The following PAK5 variants were observed in gnomAD, a reference collection of about 807,000 sequenced individuals.
The protein encoded by PAK5 is p21 (RAC1) activated kinase 5.
A neutral mutation model predicts 65.9 loss-of-function variants in PAK5; 16 were observed. The ratio of observed to expected loss-of-function variants is 0.24; its 90% CI spans 0.16 to 0.37. The LOEUF is 0.37. PAK5 is among the 10% of genes least tolerant of loss of function. PAK5 has a pLI of 1.00. For synonymous variants in PAK5, 371 were observed against 354.9 expected (o/e 1.05, Z -0.51); for missense variants, 785 against 903.9 (o/e 0.87, Z 1.69).
intron 3 of PAK5, among the ~76,000 whole-genome samples, chr20:9,603,470 C>T (rs2046396155): frequency 6.6e-6 from 1 of 152,146 alleles, no homozygotes; most frequent in African/African-American, 2.4e-5. Flanking sequence ...CCTCCTGGCA[C>T]CCAAAGGTTT....
chr20:9,799,939 C>CAAAAAAAAAAAA (rs71331383), intron 1 of PAK5, among the ~76,000 whole-genome samples: 7 of 43,664 alleles, frequency 1.6e-4, no homozygotes, highest in Non-Finnish European at 1.8e-4. Context: ...ACTCTGTCTC[C>CAAAAAAAAAAAA]AAAAAAAAAA....
chr20:9,635,964 A>T (rs1232670822), intron 3 of PAK5, among the ~76,000 whole-genome samples: 1 of 152,188 alleles, frequency 6.6e-6, no homozygotes, highest in Non-Finnish European at 1.5e-5. Flanking sequence ...GAAACAGTTT[A>T]AACTGCTTGG....
chr20:9,657,305 C>T (rs976810020), intron 2 of PAK5, among the ~76,000 whole-genome samples: 4 of 152,168 alleles, frequency 2.6e-5, no homozygotes, highest in South Asian at 2.1e-4. Context: ...ACTCCATCCA[C>T]GTTGTTCCAT....
chr20:9,694,297 T>A (rs1393047259), intron 2 of PAK5, among the ~76,000 whole-genome samples: 1 of 103,026 alleles, frequency 9.7e-6, no homozygotes, highest in Non-Finnish European at 1.8e-5. Context: ...GATGGCCGTG[T>A]GTGTGTTTGT....
intron 1 of PAK5, among the ~76,000 whole-genome samples, chr20:9,769,118 G>A (rs1209664294): frequency 6.6e-6 from 1 of 152,114 alleles, no homozygotes; most frequent in Non-Finnish European, 1.5e-5. Flanking sequence ...TTACTAGGCC[G>A]AACTTCTGAC....
intron 1 of PAK5, among the ~76,000 whole-genome samples, chr20:9,717,694 ATTGCAACC>A (rs2048165855): frequency 6.6e-6 from 1 of 152,232 alleles, no homozygotes; most frequent in Non-Finnish European, 1.5e-5. Flanking sequence ...ATCTTGGCTC[ATTGCAACC>A]TCTGCCTCCC....
At chr20:9,607,170 C>T (rs958675287) in intron 3 of PAK5, among the ~76,000 whole-genome samples, 2 of 152,064 alleles carry the variant, frequency 1.3e-5, no homozygotes, top group African/African-American at 2.4e-5. Flanking sequence ...GAGTGAGCGC[C>T]GCCAGCCATG....
intron 3 of PAK5, among the ~76,000 whole-genome samples, chr20:9,640,419 C>A (rs1422895500): frequency 1.3e-5 from 2 of 152,078 alleles, no homozygotes; most frequent in South Asian, 2.1e-4. Flanking sequence ...GCATAGTATT[C>A]CATGGTATAT....
At chr20:9,767,355 C>T (rs1291430645) in intron 1 of PAK5, among the ~76,000 whole-genome samples, 5 of 152,236 alleles carry the variant, frequency 3.3e-5, no homozygotes, top group South Asian at 2.1e-4. Context: ...AAATCAGGTC[C>T]GCTAAGGTCC....
intron 3 of PAK5, among the ~76,000 whole-genome samples, chr20:9,640,152 C>A (rs2047033686): frequency 6.6e-6 from 1 of 151,186 alleles, no homozygotes; most frequent in Non-Finnish European, 1.5e-5. Flanking sequence ...GTGTGCTGCA[C>A]CCATTAACTC....
At chr20:9,597,510 A>G (rs988669834) in intron 3 of PAK5, among the ~76,000 whole-genome samples, 1 of 152,214 alleles carries the variant, frequency 6.6e-6, no homozygotes, top group Non-Finnish European at 1.5e-5. Flanking sequence ...CATTCTTAAC[A>G]ATGTCAGAAC....
At chr20:9,772,427 C>G (rs2048843826) in intron 1 of PAK5, among the ~76,000 whole-genome samples, 1 of 151,458 alleles carries the variant, frequency 6.6e-6, no homozygotes, top group African/African-American at 2.4e-5. Context: ...CTAGACCATC[C>G]CTGTGAAGGA....
At chr20:9,585,845 T>G (rs1357013090) in intron 3 of PAK5, among the ~76,000 whole-genome samples, 1 of 152,082 alleles carries the variant, frequency 6.6e-6, no homozygotes, top group African/African-American at 2.4e-5. Context: ...CATTCATCAA[T>G]GAAGGCTAAG....
Position 9,731,384 on chromosome 20 carries a change from T to C in PAK5, c.-161-19949A>G, listed in dbSNP as rs141228607. 2.4e-3 allele frequency among the ~76,000 whole-genome samples: 371 copies of C among 152,290 alleles called. 2 individuals carry two copies. Among genetic ancestry groups the C allele is most frequent in the Middle Eastern group, 0.017 (5 of 294 alleles). On this transcript the variant is annotated intron_variant, in intron 1 of 9. Transcript: ENST00000353224. ...TGTATCAGTAACACATTTTCACTCA[T>C]TTTTTTCATAATAGGTCTTTAAAAT... is the stretch of plus-strand genomic sequence containing the variant.
intron 2 of PAK5, among the ~76,000 whole-genome samples, chr20:9,693,076 C>T (rs1160192983): frequency 3.3e-5 from 5 of 152,034 alleles, no homozygotes; most frequent in Non-Finnish European, 7.4e-5. Flanking sequence ...TTCTGAGTGT[C>T]CTGCAGTTGA....
chr20:9,621,440 T>G (rs1489904501), intron 3 of PAK5, among the ~76,000 whole-genome samples: 1 of 142,348 alleles, frequency 7.0e-6, no homozygotes, highest in Non-Finnish European at 1.5e-5. Context: ...CCTAGGCATA[T>G]CCTGAAAAAT....
intron 4 of PAK5, among the ~76,000 whole-genome samples, chr20:9,571,716 T>C (rs2045784738): frequency 6.6e-6 from 1 of 152,094 alleles, no homozygotes; most frequent in Non-Finnish European, 1.5e-5. Context: ...GCTCTGTAAT[T>C]CCTCCATTTT....
At chr20:9,618,915 G>GCTTTTTTTTTTTTTTT (rs2046715177) in intron 3 of PAK5, among the ~76,000 whole-genome samples, 1 of 18,816 alleles carries the variant, frequency 5.3e-5, no homozygotes, top group East Asian at 2.3e-3. Context: ...TCTTTCTTTC[G>GCTTTTTTTTTTTTTTT]TTTTTTTTTT....
rs150725498 is a variant in PAK5, at chr20:9,618,915, G to GTTTTTTTTTTTT, written c.204+25198_204+25209dup. ...AGATTCTTTTCTCTCTCTTTCTTTC[G>GTTTTTTTTTTTT]TTTTTTTTTTTTTTTTTTTTTTTTT... is the stretch of plus-strand genomic sequence containing the variant. On this transcript the variant is annotated intron_variant, in intron 3 of 9. Transcript: ENST00000353224. Among the ~76,000 whole-genome samples, 6 of 18,838 alleles carry GTTTTTTTTTTTT rather than the reference G, an allele frequency of 3.2e-4. 2 individuals carry two copies. Among genetic ancestry groups the GTTTTTTTTTTTT allele is most frequent in the African/African-American group, 1.4e-3 (6 of 4,250 alleles). The allele number at this position is 18,838 out of a possible 152,430, so 12.4% of individuals were successfully genotyped here.
Sources: allele counts gnomAD v4.1 joint callset (sites outside exome capture counted in the v4.1 genomes callset), GRCh38; gene constraint gnomAD v4.1.1; transcripts MANE v1.5; gene names NCBI Gene and HGNC (gene_info 2026-07-23, HGNC 2026-07-21).